The following AUTS2 variants were observed in gnomAD, a reference collection of about 807,000 sequenced individuals.
AUTS2 encodes autism susceptibility gene 2 protein.
In AUTS2, 17 loss-of-function variants were observed where a neutral mutation model predicts 112.4. The observed-to-expected ratio is 0.15, with a 90% CI of 0.10 to 0.23. The LOEUF (loss-of-function observed/expected upper bound fraction) is 0.23. Ranked by LOEUF, AUTS2 falls within the 10% of genes least tolerant of loss-of-function variation. The pLI is 1.00. For missense variants in AUTS2, 1,510 were observed against 1,701.6 expected (o/e 0.89, Z 1.98); for synonymous variants, 751 against 702.7 (o/e 1.07, Z -1.09).
intron 2 of AUTS2, among the ~76,000 whole-genome samples, chr7:69,906,830 G>C (rs1377197830): frequency 2.6e-5 from 4 of 152,130 alleles, no homozygotes; most frequent in African/African-American, 9.7e-5. Context: ...TATTGGTATG[G>C]GTGCTGTGGT....
intron 5 of AUTS2, among the ~76,000 whole-genome samples, chr7:70,622,098 A>G (rs534408175): frequency 1.3e-5 from 2 of 152,028 alleles, no homozygotes; most frequent in South Asian, 4.2e-4. Flanking sequence ...TCGTCCTCCC[A>G]AAGTGCTGGG....
chr7:69,881,582 C>T (rs1390372409), intron 1 of AUTS2, among the ~76,000 whole-genome samples: 6 of 152,124 alleles, frequency 3.9e-5, no homozygotes, highest in Non-Finnish European at 5.9e-5. Flanking sequence ...CTTTTTGCCT[C>T]TCTCTGGTAG....
chr7:70,088,185 G>A (rs764843554), intron 2 of AUTS2, among the ~76,000 whole-genome samples: 5 of 151,940 alleles, frequency 3.3e-5, no homozygotes, highest in East Asian at 1.9e-4. Context: ...GTGCAGTGGC[G>A]TGATCTCAGA....
intron 1 of AUTS2, among the ~76,000 whole-genome samples, chr7:69,639,404 A>C (rs1794700930): frequency 6.6e-6 from 1 of 152,208 alleles, no homozygotes; most frequent in African/African-American, 2.4e-5. Context: ...GCAAAACCAT[A>C]GAATTTGAGG....
chr7:70,135,977 T>TA (rs1241617185), intron 4 of AUTS2, among the ~76,000 whole-genome samples: 3 of 152,172 alleles, frequency 2.0e-5, no homozygotes, highest in Non-Finnish European at 4.4e-5. Flanking sequence ...AGCCACTACC[T>TA]TAGTCCTTGA....
intron 4 of AUTS2, among the ~76,000 whole-genome samples, chr7:70,250,600 G>A (rs2129603853): frequency 6.6e-6 from 1 of 152,284 alleles, no homozygotes; most frequent in South Asian, 2.1e-4. Context: ...CAATAGCAAA[G>A]AAATGGAATC....
At position 69,695,088 on chromosome 7, in the gene AUTS2, TGA is replaced by T. The variant is rs146659572; in HGVS notation, c.309+95128_309+95129del. Among the ~76,000 whole-genome samples the T allele has an allele frequency of 1.2e-3, 176 of 152,116 alleles. 1 individual carries two copies. In the East Asian group the frequency reaches 0.012, roughly 11 times the overall value. On this transcript the variant is annotated intron_variant, in intron 1 of 18. Coordinates refer to ENST00000342771, the MANE Select transcript of AUTS2 (RefSeq NM_015570.4). Reference sequence around the variant, plus strand: ...CTGTAATCCCAGCGCTTTGGCAGGCTGAGGTGGGAGGATTGCTTGAGCCCAGG... The same window carrying T: ...CTGTAATCCCAGCGCTTTGGCAGGCTGGTGGGAGGATTGCTTGAGCCCAGG...
At chr7:69,817,737 G>A (rs1020772196) in intron 1 of AUTS2, among the ~76,000 whole-genome samples, 2 of 152,300 alleles carry the variant, frequency 1.3e-5, no homozygotes, top group Admixed American at 6.5e-5. Context: ...CCTGCCTTGG[G>A]TGGCGGGACA....
chr7:69,867,540 G>A (rs1307673043), intron 1 of AUTS2, among the ~76,000 whole-genome samples: 1 of 152,110 alleles, frequency 6.6e-6, no homozygotes, highest in East Asian at 1.9e-4. Flanking sequence ...TTTCCCCAGG[G>A]CAGTGATGTT....
chr7:70,528,000 T>C (rs1799915348), intron 5 of AUTS2, among the ~76,000 whole-genome samples: 1 of 152,120 alleles, frequency 6.6e-6, no homozygotes, highest in Admixed American at 6.6e-5. Context: ...GCTTTAGCTA[T>C]TCTTGTTCAA....
At chr7:70,640,178 T>G (rs1446866860) in intron 5 of AUTS2, among the ~76,000 whole-genome samples, 1 of 152,102 alleles carries the variant, frequency 6.6e-6, no homozygotes, top group Non-Finnish European at 1.5e-5. Context: ...ATGTATACAG[T>G]ACACGGATGT....
intron 5 of AUTS2, among the ~76,000 whole-genome samples, chr7:70,597,635 T>A (rs1275554938): frequency 1.3e-5 from 2 of 152,246 alleles, no homozygotes; most frequent in African/African-American, 4.8e-5. Flanking sequence ...CAAGAAATTG[T>A]TCCCCTTGTG....
intron 2 of AUTS2, among the ~76,000 whole-genome samples, chr7:70,007,070 C>T (rs959837759): frequency 6.6e-6 from 1 of 152,116 alleles, no homozygotes; most frequent in Admixed American, 6.6e-5. Context: ...ACTTTTTTTA[C>T]ACCTATTTCT....
intron 4 of AUTS2, among the ~76,000 whole-genome samples, chr7:70,230,920 C>T (rs1375772522): frequency 6.6e-6 from 1 of 152,242 alleles, no homozygotes; most frequent in Non-Finnish European, 1.5e-5. Flanking sequence ...TCAGAGCCTT[C>T]ATCTTCACAG....
chr7:69,974,183 C>T (rs997000411), intron 2 of AUTS2, among the ~76,000 whole-genome samples: 1 of 150,976 alleles, frequency 6.6e-6, no homozygotes, highest in Non-Finnish European at 1.5e-5. Flanking sequence ...GGAAGTGGTC[C>T]ACTTCATCTA....
intron 2 of AUTS2, among the ~76,000 whole-genome samples, chr7:69,928,949 G>A (rs1045763946): frequency 6.6e-6 from 1 of 152,182 alleles, no homozygotes; most frequent in Non-Finnish European, 1.5e-5. Context: ...CACCATCAAT[G>A]TGGTTACCAT....
intron 3 of AUTS2, among the ~76,000 whole-genome samples, chr7:70,134,103 C>T (rs1806416223): frequency 6.6e-6 from 1 of 152,132 alleles, no homozygotes; most frequent in African/African-American, 2.4e-5. Flanking sequence ...TTTTTATTTT[C>T]AAGTCAATCT....
intron 10 of AUTS2, among the ~76,000 whole-genome samples, chr7:70,770,687 C>A (rs961907845): frequency 1.3e-5 from 2 of 152,146 alleles, no homozygotes; most frequent in African/African-American, 2.4e-5. Context: ...ATAGAGTGGA[C>A]TCCTACGTGA....
intron 1 of AUTS2, among the ~76,000 whole-genome samples, chr7:69,631,065 G>T (rs1794212240): frequency 6.6e-6 from 1 of 152,138 alleles, no homozygotes; most frequent in Admixed American, 6.5e-5. Flanking sequence ...AGAACACAAT[G>T]CCTGCCCCAT....
Sources: gnomAD v4.1 joint callset for allele counts (sites outside exome capture counted in the v4.1 genomes callset) on GRCh38, gnomAD v4.1.1 for gene constraint, MANE v1.5 for transcripts, NCBI Gene and HGNC (gene_info 2026-07-23, HGNC 2026-07-21) for gene names.